EDA: variants seen among roughly 807,000 people sequenced by gnomAD.
The protein encoded by EDA is ectodysplasin-A.
Under a neutral mutation model 23.6 loss-of-function variants are expected in EDA, and 2 were observed. The observed-to-expected ratio is 0.08, with a 90% confidence interval of 0.03 to 0.27. EDA has a LOEUF of 0.27. Ranked by LOEUF, EDA falls within the 10% of genes least tolerant of loss-of-function variation. EDA has a pLI of 1.00. For synonymous variants in EDA, 131 were observed against 132.0 expected (o/e 0.99, Z 0.05); for missense variants, 229 against 324.2 (o/e 0.71, Z 2.26).
intron 1 of EDA, among the ~76,000 whole-genome samples, chrX:69,662,505 A>C (rs1436561016): frequency 1.8e-5 from 2 of 112,434 alleles, no homozygotes; most frequent in African/African-American, 6.5e-5. Flanking sequence ...CTGTGAGTCC[A>C]TTAAACCTCT....
chrX:69,738,903 C>T (rs1476322195), intron 1 of EDA, among the ~76,000 whole-genome samples: 2 of 110,800 alleles, frequency 1.8e-5, no homozygotes, highest in African/African-American at 6.5e-5. Flanking sequence ...GTTTTATGGC[C>T]TAGCATATGG....
At chrX:69,732,459 C>T (rs996394826) in intron 1 of EDA, among the ~76,000 whole-genome samples, 12 of 112,223 alleles carry the variant, frequency 1.1e-4, no homozygotes, top group Non-Finnish European at 1.9e-4. Flanking sequence ...CATAGTATTC[C>T]GTGGTGTATA....
chrX:69,681,033 T>G (rs1000857891), intron 1 of EDA, among the ~76,000 whole-genome samples: 2 of 109,782 alleles, frequency 1.8e-5, no homozygotes, highest in Admixed American at 9.8e-5. Context: ...ACAAAATCTC[T>G]CAGCATTTGC....
At chrX:69,695,181 G>A (rs2011291373) in intron 1 of EDA, among the ~76,000 whole-genome samples, 1 of 110,488 alleles carries the variant, frequency 9.1e-6, no homozygotes, top group Admixed American at 9.7e-5. Context: ...TTAGCCAAGT[G>A]TGGTGGTGTG....
intron 2 of EDA, among the ~76,000 whole-genome samples, chrX:70,018,165 G>C (rs1335758379): frequency 2.7e-5 from 3 of 111,664 alleles, no homozygotes; most frequent in Non-Finnish European, 5.6e-5. Flanking sequence ...CCTCTACACT[G>C]AGAATTACAA....
chrX:69,862,048 G>A (rs1315348567), intron 1 of EDA, among the ~76,000 whole-genome samples: 1 of 112,091 alleles, frequency 8.9e-6, no homozygotes, highest in East Asian at 2.8e-4. Context: ...GAATCTGGAA[G>A]TAATTTACTT....
intron 1 of EDA, among the ~76,000 whole-genome samples, chrX:69,807,420 G>A (rs1346457591): frequency 2.0e-5 from 2 of 98,474 alleles, no homozygotes; most frequent in Non-Finnish European, 4.1e-5. Context: ...ATTTACCCCT[G>A]GATACTGGAT....
At chrX:69,937,448 A>G (rs932846147) in intron 1 of EDA, 13 of 775,405 alleles carry the variant, frequency 1.7e-5, no homozygotes, top group Non-Finnish European at 2.6e-5. Flanking sequence ...CATAAATGAC[A>G]GGTAAAAACA....
At chrX:69,941,951 T>C (rs1338462106) in intron 1 of EDA, among the ~76,000 whole-genome samples, 1 of 111,610 alleles carries the variant, frequency 9.0e-6, no homozygotes, top group East Asian at 2.8e-4. Context: ...TGTTGTACTT[T>C]TTTATTTAAG....
At chrX:69,988,945 G>A (rs73547751) in intron 2 of EDA, among the ~76,000 whole-genome samples, 196 of 111,397 alleles carry the variant, frequency 1.8e-3, no homozygotes, top group African/African-American at 6.3e-3. Context: ...AGGGAGGCCC[G>A]GTGGAAAGCT....
At chrX:69,838,298 T>C (rs907128019) in intron 1 of EDA, among the ~76,000 whole-genome samples, 1 of 113,185 alleles carries the variant, frequency 8.8e-6, no homozygotes, top group African/African-American at 3.2e-5. Flanking sequence ...CATTAGCTAA[T>C]GCCATGTGAT....
intron 2 of EDA, among the ~76,000 whole-genome samples, chrX:70,018,970 A>G (rs2019993108): frequency 1.8e-5 from 2 of 112,262 alleles, no homozygotes; most frequent in South Asian, 3.7e-4. Flanking sequence ...TCCAGTATCT[A>G]TAAGAAACTT....
intron 1 of EDA, among the ~76,000 whole-genome samples, chrX:69,797,489 T>TA (rs1235616211): frequency 9.0e-6 from 1 of 111,122 alleles, no homozygotes; most frequent in Non-Finnish European, 1.9e-5. Flanking sequence ...AAAAATACTA[T>TA]ACCCAGCAAA....
chrX:69,825,307 G>A (rs1346074221), intron 1 of EDA, among the ~76,000 whole-genome samples: 2 of 97,738 alleles, frequency 2.0e-5, no homozygotes, highest in Admixed American at 1.1e-4. Flanking sequence ...GGTAGAATTC[G>A]GCTGTGAATC....
intron 1 of EDA, among the ~76,000 whole-genome samples, chrX:69,797,381 C>G (rs190126213): frequency 4.6e-4 from 51 of 111,301 alleles, no homozygotes; most frequent in African/African-American, 9.8e-4. Context: ...ATAAGGGAGT[C>G]GCCATCAGAC....
At chrX:69,890,621 G>A (rs1243806346) in intron 1 of EDA, among the ~76,000 whole-genome samples, 2 of 111,274 alleles carry the variant, frequency 1.8e-5, no homozygotes, top group Non-Finnish European at 3.8e-5. Context: ...TCTGATCTTT[G>A]AGAGACCTGA....
intron 2 of EDA, among the ~76,000 whole-genome samples, chrX:69,973,605 T>C (rs1472926794): frequency 8.9e-6 from 1 of 111,757 alleles, no homozygotes; most frequent in East Asian, 2.8e-4. Context: ...GTTGTCCCAG[T>C]TGGATGAGAA....
chrX:69,972,721 G>A (rs188023562), intron 2 of EDA, among the ~76,000 whole-genome samples: 1 of 111,597 alleles, frequency 9.0e-6, no homozygotes, highest in Non-Finnish European at 1.9e-5. Context: ...ATGATATGGG[G>A]ATTAAATACA....
At chrX:69,725,956 T>C (rs1222093537) in intron 1 of EDA, among the ~76,000 whole-genome samples, 1 of 111,770 alleles carries the variant, frequency 8.9e-6, no homozygotes, top group Non-Finnish European at 1.9e-5. Flanking sequence ...GTAAGTGATA[T>C]GGGTAAAGAG....
Sources: allele counts gnomAD v4.1 joint callset (sites outside exome capture counted in the v4.1 genomes callset), GRCh38; gene constraint gnomAD v4.1.1; transcripts MANE v1.5; gene names NCBI Gene and HGNC (gene_info 2026-07-23, HGNC 2026-07-21).